Variants in MSRA observed in about 807,000 individuals in gnomAD.
MSRA encodes the protein mitochondrial peptide methionine sulfoxide reductase.
In MSRA, 54 loss-of-function variants were observed where a neutral mutation model predicts 31.3. That is an observed-to-expected ratio of 1.73 (90% CI 1.39 to 2.17). The LOEUF is 2.17. MSRA is among the 30% of genes most tolerant of loss of function. MSRA has a pLI of 0.00. For synonymous variants in MSRA, 169 were observed against 116.5 expected, an observed-to-expected ratio of 1.45 and a Z score of -2.90; for missense variants, 507 against 300.9, an observed-to-expected ratio of 1.69 and a Z score of -5.07.
intron 5 of MSRA, among the ~76,000 whole-genome samples, chr8:10,328,971 TAAAAG>T (rs1244520548): frequency 6.6e-6 from 1 of 152,192 alleles, no homozygotes; most frequent in Non-Finnish European, 1.5e-5. Context: ...TGCTGTATAT[TAAAAG>T]GAAGGATTAA....
intron 5 of MSRA, among the ~76,000 whole-genome samples, chr8:10,408,321 C>G (rs760910944): frequency 6.6e-6 from 1 of 152,136 alleles, no homozygotes; most frequent in Non-Finnish European, 1.5e-5. Flanking sequence ...CAGATCACTT[C>G]GGCCCAGGAG....
chr8:10,168,486 A>C (rs963693237), intron 1 of MSRA, among the ~76,000 whole-genome samples: 1 of 152,236 alleles, frequency 6.6e-6, no homozygotes, highest in African/African-American at 2.4e-5. Context: ...ATAAAATTTT[A>C]GTGTATAAAT....
intron 5 of MSRA, among the ~76,000 whole-genome samples, chr8:10,379,585 C>A (rs1805945987): frequency 6.6e-6 from 1 of 152,184 alleles, no homozygotes; most frequent in African/African-American, 2.4e-5. Context: ...CCCCCCTCTT[C>A]CCCTCTGGCA....
intron 1 of MSRA, among the ~76,000 whole-genome samples, chr8:10,056,453 G>A (rs1463770332): frequency 2.0e-5 from 3 of 151,800 alleles, no homozygotes; most frequent in Non-Finnish European, 4.4e-5. Flanking sequence ...TTCTTTTCCA[G>A]GCTCTGCTGT....
At chr8:10,074,958 A>G (rs861497) in intron 1 of MSRA, among the ~76,000 whole-genome samples, 11 of 152,216 alleles carry the variant, frequency 7.2e-5, no homozygotes, top group Admixed American at 2.0e-4. Flanking sequence ...CACGCCCGGC[A>G]CCCTGTACTT....
chr8:10,366,825 G>A (rs1027159510), intron 5 of MSRA, among the ~76,000 whole-genome samples: 2 of 152,130 alleles, frequency 1.3e-5, no homozygotes, highest in African/African-American at 4.8e-5. Context: ...CTGAGATGAC[G>A]TAGGACTTAA....
rs191539089 is a variant in MSRA, at chr8:10,143,174, G to A, written c.143-64659G>A. ...TTGGTTTGTCCTCTTCTTTCACGGGGAAAGAGGAGCTGAAATGTGCTTAAT... is the reference window on the plus strand; with the variant it reads ...TTGGTTTGTCCTCTTCTTTCACGGGAAAAGAGGAGCTGAAATGTGCTTAAT... On this transcript the variant is annotated intron_variant, in intron 1 of 5. Transcript: ENST00000317173. 1.7e-3 allele frequency among the ~76,000 whole-genome samples: 252 copies of A among 152,288 alleles called. 2 individuals carry two copies. The highest frequency in any genetic ancestry group is 6.8e-3 in the Middle Eastern group (2 of 294).
chr8:10,286,350 A>G (rs1799937460), intron 3 of MSRA, among the ~76,000 whole-genome samples: 1 of 152,116 alleles, frequency 6.6e-6, no homozygotes, highest in Non-Finnish European at 1.5e-5. Flanking sequence ...TTCTCATGAT[A>G]GTGAATAAGT....
At chr8:10,059,547 A>G (rs1055946190) in intron 1 of MSRA, among the ~76,000 whole-genome samples, 1 of 152,232 alleles carries the variant, frequency 6.6e-6, no homozygotes, top group African/African-American at 2.4e-5. Flanking sequence ...TGTTTTTATA[A>G]TCTGGGTGTG....
chr8:10,340,287 G>A (rs1008298836), intron 5 of MSRA, among the ~76,000 whole-genome samples: 1 of 152,042 alleles, frequency 6.6e-6, no homozygotes, highest in Non-Finnish European at 1.5e-5. Flanking sequence ...CCAGGGTATT[G>A]AACTAGATTT....
At chr8:10,165,679 A>G (rs1216239404) in intron 1 of MSRA, among the ~76,000 whole-genome samples, 2 of 152,326 alleles carry the variant, frequency 1.3e-5, no homozygotes, top group South Asian at 2.1e-4. Flanking sequence ...ATCAGGACAC[A>G]TAGTCTTGTA....
At chr8:10,147,843 G>C (rs568320772) in intron 1 of MSRA, among the ~76,000 whole-genome samples, 165 of 152,322 alleles carry the variant, frequency 1.1e-3, no homozygotes, top group African/African-American at 3.8e-3. Context: ...ACTCCAGCGA[G>C]TTCACCGCCC....
chr8:10,248,732 G>A (rs1292564508), intron 3 of MSRA, among the ~76,000 whole-genome samples: 1 of 152,218 alleles, frequency 6.6e-6, no homozygotes, highest in African/African-American at 2.4e-5. Context: ...TCTCATAGTA[G>A]CTGAGAGAGG....
chr8:10,404,591 G>A (rs554286336), intron 5 of MSRA, among the ~76,000 whole-genome samples: 2 of 152,240 alleles, frequency 1.3e-5, no homozygotes, highest in Admixed American at 6.5e-5. Flanking sequence ...TGACAGGTGC[G>A]CGGGCTCTCC....
intron 1 of MSRA, among the ~76,000 whole-genome samples, chr8:10,094,387 T>A (rs1799013567): frequency 1.3e-5 from 2 of 152,256 alleles, no homozygotes; most frequent in Non-Finnish European, 2.9e-5. Context: ...ATGATCCTAA[T>A]TGTGAAGATG....
chr8:10,215,578 C>T (rs1160656084), intron 2 of MSRA, among the ~76,000 whole-genome samples: 2 of 152,136 alleles, frequency 1.3e-5, no homozygotes, highest in Non-Finnish European at 2.9e-5. Flanking sequence ...TCCCGTAACT[C>T]AGGGATTTTG....
At chr8:10,078,692 C>G (rs988056116) in intron 1 of MSRA, among the ~76,000 whole-genome samples, 1 of 152,228 alleles carries the variant, frequency 6.6e-6, no homozygotes, top group Non-Finnish European at 1.5e-5. Context: ...GGTAGCTGGT[C>G]CCAAGCTCCT....
intron 5 of MSRA, among the ~76,000 whole-genome samples, chr8:10,367,760 C>G (rs1359357987): frequency 6.6e-6 from 1 of 152,236 alleles, no homozygotes; most frequent in Non-Finnish European, 1.5e-5. Flanking sequence ...GTGTGTTGTG[C>G]TCAGCACTGG....
intron 1 of MSRA, among the ~76,000 whole-genome samples, chr8:10,171,730 A>G (rs1805604683): frequency 2.0e-5 from 3 of 152,230 alleles, no homozygotes; most frequent in South Asian, 2.1e-4. Context: ...TTTGAACATC[A>G]TCTTTAAAAT....
Sources: allele counts gnomAD v4.1 joint callset (sites outside exome capture counted in the v4.1 genomes callset), GRCh38; gene constraint gnomAD v4.1.1; transcripts MANE v1.5; gene names NCBI Gene and HGNC (gene_info 2026-07-23, HGNC 2026-07-21).